MARK4: variants seen among roughly 807,000 people sequenced by gnomAD.
MARK4 encodes the protein MAP/microtubule affinity-regulating kinase 4.
Under a neutral mutation model 81.5 loss-of-function variants are expected in MARK4, and 19 were observed. The observed-to-expected ratio is 0.23, with a 90% CI of 0.16 to 0.34. The LOEUF (loss-of-function observed/expected upper bound fraction) is 0.34. MARK4 is among the 10% of genes least tolerant of loss of function. MARK4 has a pLI of 1.00. For synonymous variants in MARK4, 436 were observed against 439.0 expected, an observed-to-expected ratio of 0.99 and a Z score of 0.08; for missense variants, 772 against 1,058.8, an observed-to-expected ratio of 0.73 and a Z score of 3.76.
chr19:45,285,227 C>T (rs932669995), intron 12 of MARK4, among the ~76,000 whole-genome samples: 4 of 146,918 alleles, frequency 2.7e-5, no homozygotes, highest in Admixed American at 6.9e-5. Context: ...CCACTGCACT[C>T]CAGCCTGGGC....
chr19:45,285,261 CAAAAAA>C (rs71173139), intron 12 of MARK4, among the ~76,000 whole-genome samples: 3 of 57,122 alleles, frequency 5.3e-5, no homozygotes, highest in Non-Finnish European at 6.8e-5. Context: ...TGCCGTGTCT[CAAAAAA>C]AAAAAAAAAA....
At chr19:45,251,862 G>T (rs1055885413) in intron 1 of MARK4, among the ~76,000 whole-genome samples, 1 of 150,920 alleles carries the variant, frequency 6.6e-6, no homozygotes, top group South Asian at 2.1e-4. Flanking sequence ...CCCCTCTCTT[G>T]TCCCCGTGCA....
rs767481098 is a variant in MARK4, at chr19:45,271,497, A to G, written c.575A>G (p.Glu192Gly). The change falls in exon 8 of 17, where the codon GAG (glutamate) becomes GGG (glycine). Residue 192 changes from glutamate (E) to glycine (G), a missense_variant. By Grantham distance (98) the Glu-to-Gly change is moderately conservative. Around this residue, in one of 3 missense-constraint regions of MARK4, gnomAD observed 109 missense variants for 294.7 expected, o/e 0.37. Coordinates refer to ENST00000262891, the MANE Select transcript of MARK4 (RefSeq NM_001199867.2). The surrounding 1 kb of genome is among the most constrained non-coding windows in gnomAD (Gnocchi z 4.1). ...LKAENLLLDA[E>G]ANIKIADFGF... ...GCTGAGAACCTCTTGCTGGATGCCGAGGCCAACATCAAGATTGCTGACTTT... is the reference window on the plus strand; with the variant it reads ...GCTGAGAACCTCTTGCTGGATGCCGGGGCCAACATCAAGATTGCTGACTTT... 2 of 1,614,164 alleles carry G rather than the reference A, an allele frequency of 1.2e-6. No homozygotes were observed. The highest frequency in any genetic ancestry group is 1.1e-5 in the South Asian group (1 of 91,080).
intron 1 of MARK4, 111 bp from the exon 2 acceptor site, chr19:45,258,878 T>G: frequency 1.7e-6 from 2 of 1,185,726 alleles, no homozygotes; most frequent in Non-Finnish European, 1.2e-6. Context: ...GGGCCTGAGT[T>G]TGAAAAGGGC....
intron 7 of MARK4, among the ~76,000 whole-genome samples, chr19:45,269,176 C>T (rs2079115345): frequency 6.6e-6 from 1 of 152,166 alleles, no homozygotes; most frequent in East Asian, 1.9e-4. Flanking sequence ...GTCAGGAGTT[C>T]GAGACCAGCC....
chr19:45,301,009 C>A (rs1185583779), intron 16 of MARK4, among the ~76,000 whole-genome samples: 1 of 152,146 alleles, frequency 6.6e-6, no homozygotes, highest in Non-Finnish European at 1.5e-5. Flanking sequence ...CGGGACGTTT[C>A]TTTGTTGTGC....
intron 12 of MARK4, among the ~76,000 whole-genome samples, chr19:45,287,116 A>G (rs1970752441): frequency 6.7e-6 from 1 of 150,262 alleles, no homozygotes; most frequent in Non-Finnish European, 1.5e-5. Flanking sequence ...AGGCAGGAGA[A>G]TTGCTTGAAC....
intron 13 of MARK4, chr19:45,288,643 G>C (rs1264810505): frequency 1.3e-5 from 2 of 151,396 alleles, no homozygotes; most frequent in Non-Finnish European, 2.9e-5. Context: ...GAGGTCAGGA[G>C]ATCGAGACCG....
intron 8 of MARK4, among the ~76,000 whole-genome samples, chr19:45,272,188 C>T (rs553611197): frequency 2.0e-5 from 3 of 152,186 alleles, no homozygotes; most frequent in Admixed American, 6.5e-5. Flanking sequence ...AAAAATTAAC[C>T]GGGCATAATG....
chr19:45,264,503 C>T (rs974172282), intron 4 of MARK4, among the ~76,000 whole-genome samples, 181 bp from the exon 5 acceptor site: 5 of 144,470 alleles, frequency 3.5e-5, no homozygotes, highest in African/African-American at 1.0e-4. Flanking sequence ...AAAAAAAAAA[C>T]GAAAGTGGAA....
At chr19:45,296,775 C>T (rs759987477) in intron 14 of MARK4, among the ~76,000 whole-genome samples, 10 of 152,164 alleles carry the variant, frequency 6.6e-5, no homozygotes, top group South Asian at 2.1e-4. Context: ...CTGGGCTGGG[C>T]GCAGTGGCTC....
intron 16 of MARK4, among the ~76,000 whole-genome samples, chr19:45,301,015 T>C (rs1157790867): frequency 6.6e-6 from 1 of 152,146 alleles, no homozygotes; most frequent in African/African-American, 2.4e-5. Flanking sequence ...GTTTCTTTGT[T>C]GTGCAGGGCC....
At chr19:45,281,225 T>G (rs1970669868) in intron 12 of MARK4, among the ~76,000 whole-genome samples, 1 of 151,530 alleles carries the variant, frequency 6.6e-6, no homozygotes, top group Admixed American at 6.6e-5. Context: ...GGCTAATTTT[T>G]GTATTTTCAG....
intron 1 of MARK4, among the ~76,000 whole-genome samples, chr19:45,257,916 C>T (rs1440189893): frequency 1.3e-5 from 2 of 149,194 alleles, no homozygotes; most frequent in African/African-American, 5.0e-5. Context: ...GTCTCAATCT[C>T]CTGACCTCGT....
At chr19:45,269,771 C>G (rs764365538) in intron 7 of MARK4, among the ~76,000 whole-genome samples, 1 of 152,170 alleles carries the variant, frequency 6.6e-6, no homozygotes, top group Non-Finnish European at 1.5e-5. Flanking sequence ...TCTGTTTCCT[C>G]CCCTGTGAAA....
At position 45,302,015 on chromosome 19, in the gene MARK4, TC is replaced by T. The variant is rs1270937277; in HGVS notation, c.1923-358del. Among the ~76,000 whole-genome samples the T allele has an allele frequency of 6.6e-6, 1 of 152,222 alleles. No homozygotes were observed. The highest frequency in any genetic ancestry group is 1.5e-5 in the Non-Finnish European group (1 of 68,044). Reference sequence around the variant, plus strand: ...TCCCGATTCCCTGGAGCCCTTGTCATCTTCACAGTTGAGGCTGGCCTGTGCC... The same window carrying T: ...TCCCGATTCCCTGGAGCCCTTGTCATTTCACAGTTGAGGCTGGCCTGTGCC... On this transcript the variant is annotated intron_variant, in intron 16 of 16. Coordinates refer to ENST00000262891, the MANE Select transcript of MARK4 (RefSeq NM_001199867.2). This position sits in a 1 kb window ranked among gnomAD's most constrained non-coding sequence, Gnocchi z 4.9.
chr19:45,290,097 T>C (rs934781454), intron 13 of MARK4, among the ~76,000 whole-genome samples: 1 of 152,228 alleles, frequency 6.6e-6, no homozygotes, highest in Non-Finnish European at 1.5e-5. Context: ...AGGGAGACCT[T>C]GTCTCAAAGA....
chr19:45,259,209 G>A lies in MARK4; in HGVS notation c.252+20G>A, dbSNP rs1180049892. On this transcript the variant is annotated intron_variant, in intron 2 of 16. Transcript: ENST00000262891. ...CGGGAGGTGAGTATGGGCACAGGGT[G>A]GGGCTCGGGGCAGGTCCCTGTGGGA... 6.2e-7 allele frequency: 1 copy of A among 1,612,232 alleles called. No individual in the cohort carries two copies. Among genetic ancestry groups the A allele is most frequent in the East Asian group, 2.2e-5 (1 of 44,832 alleles).
chr19:45,280,858 G>A, intron 12 of MARK4, 124 bp downstream of exon 12: 2 of 1,359,824 alleles, frequency 1.5e-6, no homozygotes, highest in African/African-American at 1.5e-5. Context: ...AGAGAGGGAG[G>A]AATGTCTTAT....
Sources: allele counts gnomAD v4.1 joint callset (sites outside exome capture counted in the v4.1 genomes callset), GRCh38; gene constraint gnomAD v4.1.1; regional missense constraint gnomAD v4.1.1; non-coding constraint Gnocchi (gnomAD v3.1); transcripts MANE v1.5; gene names NCBI Gene and HGNC (gene_info 2026-07-23, HGNC 2026-07-21).